Variants in NME5 observed in about 807,000 individuals in gnomAD.
NME5 encodes nucleoside diphosphate kinase 5.
NME5 carries 18 observed loss-of-function variants against 21.6 expected under a neutral mutation model. The observed-to-expected ratio is 0.83, with a 90% confidence interval of 0.58 to 1.24. The LOEUF is 1.24. NME5 is among the 50% of genes most tolerant of loss of function. The pLI is 0.00. For synonymous variants in NME5, 70 were observed against 80.6 expected (o/e 0.87, Z 0.71); for missense variants, 223 against 255.4 (o/e 0.87, Z 0.86).
chr5:138,125,168 C>T (rs116626363), intron 4 of NME5, among the ~76,000 whole-genome samples: 2,673 of 152,216 alleles, frequency 0.018, 53 homozygotes, highest in African/African-American at 0.051. Context: ...GTGATTCTCC[C>T]GCCTCAGCCT....
At chr5:138,118,980 A>G in intron 4 of NME5, 44 bp from the exon 5 acceptor site, 4 of 1,106,472 alleles carry the variant, frequency 3.6e-6, no homozygotes, top group South Asian at 1.3e-5. Flanking sequence ...CATAATGATT[A>G]AATACTATAC....
At chr5:138,130,913 G>A (rs1269238373) in intron 2 of NME5, among the ~76,000 whole-genome samples, 1 of 149,622 alleles carries the variant, frequency 6.7e-6, no homozygotes, top group Non-Finnish European at 1.5e-5. Context: ...GTGACAGAGC[G>A]AGACTCCGTC....
chr5:138,138,441 G>T, intron 2 of NME5: 2 of 440,586 alleles, frequency 4.5e-6, no homozygotes, highest in Non-Finnish European at 8.0e-6. Flanking sequence ...CTGGGACTTG[G>T]GGTAAAAGAG....
At chr5:138,125,683 C>T (rs755428929) in intron 4 of NME5, among the ~76,000 whole-genome samples, 13 of 152,196 alleles carry the variant, frequency 8.5e-5, no homozygotes, top group Non-Finnish European at 1.8e-4. Context: ...GGTACAATCT[C>T]GGCTCACTGT....
chr5:138,133,915 T>C (rs1296616029), intron 2 of NME5, among the ~76,000 whole-genome samples: 1 of 152,176 alleles, frequency 6.6e-6, no homozygotes, highest in African/African-American at 2.4e-5. Flanking sequence ...GTGATGGTTG[T>C]ACAACAATGT....
chr5:138,128,421 A>C, intron 4 of NME5, 58 bp downstream of exon 4: 1 of 1,289,206 alleles, frequency 7.8e-7, no homozygotes, highest in South Asian at 1.3e-5. Context: ...TCCGCAAAAT[A>C]AAAGAAAAAG....
At chr5:138,129,113 A>T in intron 3 of NME5, 150 bp downstream of exon 3, 11 of 579,844 alleles carry the variant, frequency 1.9e-5, no homozygotes, top group Non-Finnish European at 2.7e-5. Context: ...TGGACCCCCC[A>T]GGCCCTGCCA....
chr5:138,119,041 T>A, intron 4 of NME5, 105 bp from the exon 5 acceptor site: 1 of 659,158 alleles, frequency 1.5e-6, no homozygotes, highest in Non-Finnish European at 2.5e-6. Flanking sequence ...TTTTTATATG[T>A]TTTTTTGAGA....
rs1166154079 is a variant in NME5, at chr5:138,129,401, A to G, written c.197T>C (p.Phe66Ser). ...CATGTAAGCTGTTAAGTTGGGGAAAAACATTTTTCCATACTTTTCCACATA... is the reference window on the plus strand; with the variant it reads ...CATGTAAGCTGTTAAGTTGGGGAAAGACATTTTTCCATACTTTTCCACATA... ...NFYVEKYGKM[F>S]FPNLTAYMSS... Residue 66 changes from phenylalanine to serine, a missense_variant, in exon 3 of 6, where the codon TTT becomes TCT. Phe to Ser is a radical substitution (Grantham distance 155). Coordinates refer to ENST00000265191, the MANE Select transcript of NME5 (RefSeq NM_003551.3). 1 of 1,614,084 alleles carries G rather than the reference A, an allele frequency of 6.2e-7. No individual in the cohort carries two copies. The highest frequency in any genetic ancestry group is 1.7e-5 in the Admixed American group (1 of 60,014).
chr5:138,137,703 A>G (rs1751731003), intron 2 of NME5, among the ~76,000 whole-genome samples: 1 of 151,612 alleles, frequency 6.6e-6, no homozygotes. Context: ...AGTTCGAATG[A>G]GAATACTGTA....
At chr5:138,121,001 A>G (rs929407301) in intron 4 of NME5, among the ~76,000 whole-genome samples, 2 of 152,076 alleles carry the variant, frequency 1.3e-5, no homozygotes, top group African/African-American at 4.8e-5. Flanking sequence ...CACAAAGCAA[A>G]TTTTATATAA....
At chr5:138,125,167 C>G (rs1426591047) in intron 4 of NME5, among the ~76,000 whole-genome samples, 1 of 152,138 alleles carries the variant, frequency 6.6e-6, no homozygotes, top group East Asian at 1.9e-4. Flanking sequence ...AGTGATTCTC[C>G]CGCCTCAGCC....
intron 2 of NME5, among the ~76,000 whole-genome samples, chr5:138,130,009 G>A (rs762583164): frequency 3.3e-5 from 5 of 152,194 alleles, no homozygotes; most frequent in East Asian, 3.9e-4. Context: ...CAAATTTATC[G>A]CATCTCCTTC....
At chr5:138,122,228 C>CA (rs756792169) in intron 4 of NME5, among the ~76,000 whole-genome samples, 100 of 151,842 alleles carry the variant, frequency 6.6e-4, no homozygotes, top group Non-Finnish European at 9.7e-4. Flanking sequence ...CACCTGAAGT[C>CA]AGGAGTTTGA....
At chr5:138,132,331 C>A (rs2151167928) in intron 2 of NME5, among the ~76,000 whole-genome samples, 1 of 152,166 alleles carries the variant, frequency 6.6e-6, no homozygotes. Context: ...GCCTGGGCAA[C>A]AGAGTGAGAC....
In NME5 at chr5:138,126,510, CAAAAAAA is replaced by C. The variant is rs57938582; in HGVS notation, c.436+1962_436+1968del. Among the ~76,000 whole-genome samples, 26 of 54,226 alleles carry C rather than the reference CAAAAAAA, an allele frequency of 4.8e-4. 1 individual carries two copies. The highest frequency in any genetic ancestry group is 1.1e-3 in the African/African-American group (15 of 13,160). The allele number at this position is 54,226 out of a possible 152,430, so 35.6% of individuals were successfully genotyped here. On this transcript the variant is annotated intron_variant, in intron 4 of 5. Coordinates refer to ENST00000265191, the MANE Select transcript of NME5 (RefSeq NM_003551.3). ...TGGGCAACAGAGTGAGAATCTATCT[CAAAAAAA>C]AAAAAAAAAAAAAAAAAAAGAAAGA...
At chr5:138,120,049 C>T (rs1046510329) in intron 4 of NME5, among the ~76,000 whole-genome samples, 3 of 151,684 alleles carry the variant, frequency 2.0e-5, no homozygotes, top group Non-Finnish European at 2.9e-5. Context: ...CATCCTCTGG[C>T]TTCAGCCTTC....
At chr5:138,127,732 G>A in intron 4 of NME5, 2 of 967,720 alleles carry the variant, frequency 2.1e-6, no homozygotes, top group Non-Finnish European at 2.5e-6. Context: ...AAAGGGACTA[G>A]TTATTAATTT....
At chr5:138,137,000 C>CA (rs201169427) in intron 2 of NME5, among the ~76,000 whole-genome samples, 30,285 of 135,292 alleles carry the variant, frequency 0.22, 3,240 homozygotes, top group Middle Eastern at 0.24. Flanking sequence ...TAAGTCATAA[C>CA]AAAAAAAAAA....
Sources: gnomAD v4.1 joint callset for allele counts (sites outside exome capture counted in the v4.1 genomes callset) on GRCh38, gnomAD v4.1.1 for gene constraint, MANE v1.5 for transcripts, NCBI Gene and HGNC (gene_info 2026-07-23, HGNC 2026-07-21) for gene names.